Variants in NAP1L1 observed in about 807,000 individuals in gnomAD.
The protein encoded by NAP1L1 is nucleosome assembly protein 1-like 1.
Under a neutral mutation model 58.9 loss-of-function variants are expected in NAP1L1, and 9 were observed. The observed-to-expected ratio is 0.15, with a 90% CI of 0.09 to 0.27. NAP1L1 has a LOEUF of 0.27. Among genes scored for constraint, NAP1L1 ranks in the 10% least tolerant of loss-of-function variants. The pLI is 1.00. For missense variants in NAP1L1, 302 were observed against 458.8 expected (o/e 0.66, Z 3.12); for synonymous variants, 130 against 138.3 (o/e 0.94, Z 0.42).
intron 14 of NAP1L1, 59 bp downstream of exon 14, chr12:76,049,141 C>T: frequency 6.7e-7 from 1 of 1,499,036 alleles, no homozygotes; most frequent in East Asian, 2.3e-5. Flanking sequence ...TATTCAAAAA[C>T]ACCAACTCTT....
chr12:76,055,111 A>C, intron 7 of NAP1L1, 21 bp from the exon 8 acceptor site: 2 of 1,524,608 alleles, frequency 1.3e-6, no homozygotes, highest in Non-Finnish European at 9.0e-7. Flanking sequence ...AAAAAATAAT[A>C]AAAATGAATA....
intron 6 of NAP1L1, chr12:76,056,865 T>G: frequency 3.3e-6 from 1 of 305,480 alleles, no homozygotes; most frequent in South Asian, 2.7e-5. Context: ...TACAAAAAAT[T>G]AGTCAGGCAT....
chr12:76,073,211 T>A (rs1950038230), intron 2 of NAP1L1, among the ~76,000 whole-genome samples: 1 of 152,180 alleles, frequency 6.6e-6, no homozygotes, highest in Non-Finnish European at 1.5e-5. Context: ...TTCTTATTTG[T>A]ACTTCTATGT....
intron 12 of NAP1L1, 75 bp downstream of exon 12, chr12:76,050,451 AAAACT>A: frequency 6.7e-7 from 1 of 1,485,172 alleles, no homozygotes; most frequent in Non-Finnish European, 9.0e-7. Context: ...CTGCTTCTTA[AAAACT>A]AAACTAATCT....
Position 76,055,081 on chromosome 12 carries a change from C to T in NAP1L1, c.568G>A (p.Glu190Lys). ...LLSDMVQEHD[E>K]PILKHLKDIK... ...TCTTTCAAGTGCTTCAGAATAGGTT[C>T]ATCGTGTTCCTTCAAATTAAAAAAA... Residue 190 changes from glutamate to lysine, a missense_variant, in exon 8 of 15, where the codon GAA (glutamate) becomes AAA (lysine). Transcript: ENST00000618691. 1.9e-6 allele frequency: 3 copies of T among 1,597,332 alleles called. No homozygotes were observed. Among genetic ancestry groups the T allele is most frequent in the Non-Finnish European group, 2.6e-6 (3 of 1,172,946 alleles).
In NAP1L1 at chr12:76,040,798, A is replaced by AGTCACTGGCCCGCCTCAGCCTCCC. The variant is rs1948544479; in HGVS notation, c.*7607_*7630dup. ...GGCTGGTCTCGAACTTGTAACCTCA[A>AGTCACTGGCCCGCCTCAGCCTCCC]GTCACTGGCCCGCCTCAGCCTCCCA... On this transcript the variant is annotated 3_prime_UTR_variant, in exon 15 of 15. Transcript: ENST00000618691. 1 of 152,232 alleles carries AGTCACTGGCCCGCCTCAGCCTCCC rather than the reference A, an allele frequency of 6.6e-6. No individual in the cohort carries two copies. Among genetic ancestry groups the AGTCACTGGCCCGCCTCAGCCTCCC allele is most frequent in the Non-Finnish European group, 1.5e-5 (1 of 68,050 alleles). 9.4% of individuals were successfully genotyped at this position (152,232 alleles called of 1,614,324 possible). A position where few individuals can be genotyped will look rare whatever the true frequency, so the allele number is the denominator to read the frequency against.
At chr12:76,075,686 A>G (rs149169321) in intron 1 of NAP1L1, among the ~76,000 whole-genome samples, 1 of 152,376 alleles carries the variant, frequency 6.6e-6, no homozygotes, top group African/African-American at 2.4e-5. Flanking sequence ...AATCAAAAAT[A>G]AGAAAAATAC....
chr12:76,052,649 A>T (rs1192108715), intron 11 of NAP1L1, among the ~76,000 whole-genome samples: 3 of 152,242 alleles, frequency 2.0e-5, no homozygotes, highest in Non-Finnish European at 4.4e-5. Context: ...TTCAGTCTAT[A>T]TGGCAGGAAC....
chr12:76,082,100 T>C (rs1950428349), intron 1 of NAP1L1, among the ~76,000 whole-genome samples: 1 of 152,228 alleles, frequency 6.6e-6, no homozygotes, highest in Non-Finnish European at 1.5e-5. Flanking sequence ...TGATCATTAA[T>C]ATTTTGATAT....
In NAP1L1 at chr12:76,056,164, T is replaced by C. The variant is rs985207406; in HGVS notation, c.430-3A>G. ...TTGGCCTTTTCTTTCAATTCCTCCT[T>C]GATTAAGTGACAGCAAACATTATTT... On this transcript the variant is annotated splice_region_variant and splice_polypyrimidine_tract_variant and intron_variant, in intron 6 of 14. Transcript: ENST00000618691. The C allele has an allele frequency of 3.7e-6, 6 of 1,608,382 alleles. No homozygotes were observed. Among genetic ancestry groups the C allele is most frequent in the Admixed American group, 3.4e-5 (2 of 58,522 alleles).
intron 13 of NAP1L1, 122 bp from the exon 14 acceptor site, chr12:76,049,372 T>G: frequency 6.4e-7 from 1 of 1,564,726 alleles, no homozygotes; most frequent in Non-Finnish European, 8.6e-7. Context: ...ATTACAGACT[T>G]TGATGATAAT....
chr12:76,071,324 TAAGG>T (rs1949941635), intron 2 of NAP1L1, among the ~76,000 whole-genome samples: 1 of 152,102 alleles, frequency 6.6e-6, no homozygotes, highest in South Asian at 2.1e-4. Flanking sequence ...AATTAAATAA[TAAGG>T]AAGGGGGAAA....
chr12:76,069,335 TTA>T (rs1320869615), intron 2 of NAP1L1, among the ~76,000 whole-genome samples: 1 of 152,238 alleles, frequency 6.6e-6, no homozygotes, highest in Non-Finnish European at 1.5e-5. Flanking sequence ...CATTCTCATT[TTA>T]TATGAGATGG....
intron 6 of NAP1L1, among the ~76,000 whole-genome samples, chr12:76,058,511 C>T (rs1296141230): frequency 9.2e-5 from 14 of 151,526 alleles, no homozygotes; most frequent in Non-Finnish European, 1.9e-4. Context: ...CTGAGCCTCC[C>T]GAGTAGGTGG....
intron 1 of NAP1L1, among the ~76,000 whole-genome samples, chr12:76,080,445 C>T (rs187716110): frequency 6.6e-6 from 1 of 152,292 alleles, no homozygotes; most frequent in Admixed American, 6.5e-5. Context: ...TAGCAACATG[C>T]TATACAGGTT....
Position 76,043,815 on chromosome 12 carries a change from G to A in NAP1L1, c.*4614C>T, listed in dbSNP as rs1397386447. The A allele has an allele frequency of 6.6e-6, 1 of 152,122 alleles. No individual in the cohort carries two copies. Among genetic ancestry groups the A allele is most frequent in the East Asian group, 1.9e-4 (1 of 5,188 alleles). The allele number at this position is 152,122 out of a possible 1,614,324, so 9.4% of individuals were successfully genotyped here. Reference sequence around the variant, plus strand: ...AGCTCATACAAATTTTGAGCCTTCTGGTAGCAACTATTTTACAACCTCATG... The same window carrying A: ...AGCTCATACAAATTTTGAGCCTTCTAGTAGCAACTATTTTACAACCTCATG... On this transcript the variant is annotated 3_prime_UTR_variant, in exon 15 of 15. Transcript: ENST00000618691.
chr12:76,059,345 G>C (rs1949295102), intron 6 of NAP1L1, among the ~76,000 whole-genome samples: 1 of 152,212 alleles, frequency 6.6e-6, no homozygotes, highest in Admixed American at 6.5e-5. Flanking sequence ...AGAGATGCTA[G>C]AGGTTCTTAT....
At chr12:76,053,732 G>GA in intron 9 of NAP1L1, 38 bp downstream of exon 9, 1 of 1,592,672 alleles carries the variant, frequency 6.3e-7, no homozygotes, top group Non-Finnish European at 8.5e-7. Flanking sequence ...AACAAAAACA[G>GA]AAAAAACATT....
intron 1 of NAP1L1, among the ~76,000 whole-genome samples, chr12:76,081,578 A>T (rs1950410228): frequency 6.6e-6 from 1 of 152,200 alleles, no homozygotes; most frequent in Non-Finnish European, 1.5e-5. Context: ...ACAAGGAAAA[A>T]ATATATATAA....
Sources: gnomAD v4.1 joint callset for allele counts (sites outside exome capture counted in the v4.1 genomes callset) on GRCh38, gnomAD v4.1.1 for gene constraint, MANE v1.5 for transcripts, NCBI Gene and HGNC (gene_info 2026-07-23, HGNC 2026-07-21) for gene names.